The following SHISA9 variants were observed in gnomAD, a reference collection of about 807,000 sequenced individuals.
SHISA9 encodes the protein shisa family member 9.
A neutral mutation model predicts 38.0 loss-of-function variants in SHISA9; 13 were observed. The ratio of observed to expected loss-of-function variants is 0.34; its 90% confidence interval spans 0.22 to 0.54. The LOEUF is 0.54. SHISA9 is among the 20% of genes least tolerant of loss of function. The pLI is 0.91. For missense variants in SHISA9, 538 were observed against 575.8 expected (o/e 0.93, Z 0.67); for synonymous variants, 275 against 242.0 (o/e 1.14, Z -1.27).
At chr16:13,356,072 A>T in the SHISA9 span, among the ~76,000 whole-genome samples, 1 of 152,220 alleles carries the variant, frequency 6.6e-6, no homozygotes, top group African/African-American at 2.4e-5. Context: ...ACACCTGGCC[A>T]CTGCGGTTCA....
chr16:13,116,127 T>C lies in SHISA9; in HGVS notation c.692-87267T>C, dbSNP rs139418492. 2.0e-3 allele frequency among the ~76,000 whole-genome samples: 299 copies of C among 152,336 alleles called. 1 individual carries two copies. The highest frequency in any genetic ancestry group is 6.8e-3 in the African/African-American group (282 of 41,578). Reference sequence around the variant, plus strand: ...AAAGCTTGGATAGCTCCTTACTTACTGATCTCTGTAACTTTGTTTCATCTC... The same window carrying C: ...AAAGCTTGGATAGCTCCTTACTTACCGATCTCTGTAACTTTGTTTCATCTC... On this transcript the variant is annotated intron_variant, in intron 2 of 4. Transcript: ENST00000558583.
At chr16:13,434,421 T>TTTTTTTTTTTTTTTTTTC in the SHISA9 span, among the ~76,000 whole-genome samples, 2 of 121,520 alleles carry the variant, frequency 1.6e-5, no homozygotes, top group African/African-American at 3.0e-5. Context: ...CAAGCTATGT[T>TTTTTTTTTTTTTTTTTTC]TTTTTTTTTT....
rs186409870 is a variant in SHISA9, at chr16:13,072,931, G to A, written c.692-130463G>A. Among the ~76,000 whole-genome samples, 614 of 152,272 alleles carry A rather than the reference G, an allele frequency of 4.0e-3. 2 individuals carry two copies. Among genetic ancestry groups the A allele is most frequent in the Non-Finnish European group, 7.0e-3 (474 of 68,012 alleles). ...CCACCTCGGCCTCCCAAATTGCTGG[G>A]ATTACAGGTGTGAGCCGCCATCCCT... On this transcript the variant is annotated intron_variant, in intron 2 of 4. Coordinates refer to ENST00000558583, the MANE Select transcript of SHISA9 (RefSeq NM_001145204.3).
the SHISA9 span, among the ~76,000 whole-genome samples, chr16:13,509,818 T>A: frequency 6.6e-6 from 1 of 152,180 alleles, no homozygotes; most frequent in South Asian, 2.1e-4. Flanking sequence ...TATTTTTATG[T>A]GATACTGTTG....
chr16:13,480,100 T>C, the SHISA9 span, among the ~76,000 whole-genome samples: 2 of 152,242 alleles, frequency 1.3e-5, no homozygotes, highest in Admixed American at 6.5e-5. Context: ...GGCCTACCTC[T>C]TCTCACTCCT....
At chr16:13,058,703 G>A (rs1400709747) in intron 2 of SHISA9, among the ~76,000 whole-genome samples, 1 of 152,030 alleles carries the variant, frequency 6.6e-6, no homozygotes, top group East Asian at 1.9e-4. Flanking sequence ...GTTCAGGGCT[G>A]CCATCCCCCA....
intron 2 of SHISA9, among the ~76,000 whole-genome samples, chr16:13,112,873 T>G (rs2073993357): frequency 6.6e-6 from 1 of 151,830 alleles, no homozygotes; most frequent in African/African-American, 2.4e-5. Flanking sequence ...AGAATTAGGG[T>G]CTCTTTTTAC....
chr16:13,407,746 T>G, the SHISA9 span, among the ~76,000 whole-genome samples: 1 of 152,132 alleles, frequency 6.6e-6, no homozygotes, highest in African/African-American at 2.4e-5. Flanking sequence ...AACTAGAGAT[T>G]TAAAGGGACC....
chr16:13,472,207 A>C, the SHISA9 span, among the ~76,000 whole-genome samples: 1 of 152,004 alleles, frequency 6.6e-6, no homozygotes, highest in South Asian at 2.1e-4. Flanking sequence ...TGCTTATTCT[A>C]ATTTGCTTTC....
In SHISA9 at chr16:13,235,137, G is replaced by C; in HGVS notation, c.1003G>C (p.Ala335Pro). 4 of 1,551,678 alleles carry C rather than the reference G, an allele frequency of 2.6e-6. No homozygotes were observed. Among genetic ancestry groups the C allele is most frequent in the Non-Finnish European group, 3.5e-6 (4 of 1,147,004 alleles). ...CGTAAGAGTGGAGGACGAGCCCCGGGCCTTCAGCCCTGAGCACGGTCCTGC... is the reference window on the plus strand; with the variant it reads ...CGTAAGAGTGGAGGACGAGCCCCGGCCCTTCAGCCCTGAGCACGGTCCTGC... ...HPVRVEDEPR[A>P]FSPEHGPAKQ... is the part of the protein sequence containing the mutation. The change falls in exon 5 of 5, where the codon GCC (alanine) becomes CCC (proline). Residue 335 changes from alanine to proline, a missense_variant. Coordinates refer to ENST00000558583, the MANE Select transcript of SHISA9 (RefSeq NM_001145204.3).
At chr16:13,053,186 C>T (rs1220130825) in intron 2 of SHISA9, among the ~76,000 whole-genome samples, 2 of 151,926 alleles carry the variant, frequency 1.3e-5, no homozygotes, top group Non-Finnish European at 2.9e-5. Context: ...TGGTCTCGAA[C>T]TTCTGACCTC....
intron 2 of SHISA9, among the ~76,000 whole-genome samples, chr16:13,124,277 G>C (rs530130070): frequency 2.6e-5 from 4 of 152,156 alleles, no homozygotes; most frequent in Non-Finnish European, 4.4e-5. Context: ...TTGTCTAAAT[G>C]GGGGGATAAT....
chr16:12,904,730 G>A (rs2071070262), intron 1 of SHISA9, among the ~76,000 whole-genome samples: 1 of 152,108 alleles, frequency 6.6e-6, no homozygotes. Flanking sequence ...ATTTTTACTG[G>A]CAGCTTCTAA....
chr16:12,925,068 G>C (rs150007601), intron 2 of SHISA9, among the ~76,000 whole-genome samples: 13 of 152,278 alleles, frequency 8.5e-5, no homozygotes, highest in Non-Finnish European at 1.9e-4. Flanking sequence ...TTCATTAGGG[G>C]ACAATGATAC....
chr16:13,304,786 A>G, the SHISA9 span, among the ~76,000 whole-genome samples: 1 of 152,164 alleles, frequency 6.6e-6, no homozygotes, highest in Non-Finnish European at 1.5e-5. Context: ...TGAAATACCA[A>G]ATAAGTGAAT....
intron 2 of SHISA9, among the ~76,000 whole-genome samples, chr16:12,994,321 G>A (rs1190881231): frequency 6.6e-6 from 1 of 152,200 alleles, no homozygotes; most frequent in African/African-American, 2.4e-5. Context: ...AGGTCACTGA[G>A]GCTGTCATTG....
chr16:13,138,544 T>G, intron 2 of SHISA9, among the ~76,000 whole-genome samples: 1 of 152,220 alleles, frequency 6.6e-6, no homozygotes. Context: ...TGAACAGATA[T>G]GGCAGCCCCC....
At chr16:13,366,038 C>T in the SHISA9 span, among the ~76,000 whole-genome samples, 1 of 152,318 alleles carries the variant, frequency 6.6e-6, no homozygotes, top group African/African-American at 2.4e-5. Context: ...CACAGAGCCC[C>T]TACTTAGTCG....
chr16:13,436,301 C>T, the SHISA9 span, among the ~76,000 whole-genome samples: 1 of 152,248 alleles, frequency 6.6e-6, no homozygotes. Context: ...AAAGTGGCCT[C>T]TGGCCATTCT....
Sources: gnomAD v4.1 joint callset for allele counts (sites outside exome capture counted in the v4.1 genomes callset) on GRCh38, gnomAD v4.1.1 for gene constraint, MANE v1.5 for transcripts, NCBI Gene and HGNC (gene_info 2026-07-23, HGNC 2026-07-21) for gene names.